Variants in CTCF observed in about 807,000 individuals in gnomAD.
CTCF encodes the protein CCCTC-binding factor.
A neutral mutation model predicts 72.3 loss-of-function variants in CTCF; 7 were observed. That is an observed-to-expected ratio of 0.10 (90% CI 0.06 to 0.18). CTCF has a LOEUF of 0.18. Ranked by LOEUF, CTCF falls within the 10% of genes least tolerant of loss-of-function variation. The pLI, the probability that CTCF is intolerant of heterozygous loss-of-function variation, is 1.00. For missense variants in CTCF, 516 were observed against 949.1 expected (o/e 0.54, Z 6.00); for synonymous variants, 374 against 315.8 (o/e 1.18, Z -1.95).
intron 2 of CTCF, among the ~76,000 whole-genome samples, chr16:67,606,887 C>T (rs1017648532): frequency 1.2e-4 from 18 of 151,908 alleles, no homozygotes; most frequent in Non-Finnish European, 2.4e-4. Context: ...CTCACTCAGC[C>T]TTCCAAGTAG....
At chr16:67,624,932 G>A (rs2052262609) in intron 7 of CTCF, among the ~76,000 whole-genome samples, 1 of 151,504 alleles carries the variant, frequency 6.6e-6, no homozygotes, top group Non-Finnish European at 1.5e-5. Flanking sequence ...GTGCTTGTGT[G>A]CTTTGTGTGA....
At chr16:67,605,365 C>T (rs60534906) in intron 2 of CTCF, among the ~76,000 whole-genome samples, 1 of 152,298 alleles carries the variant, frequency 6.6e-6, no homozygotes, top group African/African-American at 2.4e-5. Context: ...CTTTGATCCC[C>T]ACCTTCTGCG....
Position 67,569,250 on chromosome 16 carries a change from G to A in CTCF, c.-126-1898G>A, listed in dbSNP as rs62059331. On this transcript the variant is annotated intron_variant, in intron 1 of 11. Transcript: ENST00000264010. Reference sequence around the variant, plus strand: ...TCGCCAGGCTGGAGTGCAGTGGCACGATCTTGGCTCATTGCAGCTCCGCCT... The same window carrying A: ...TCGCCAGGCTGGAGTGCAGTGGCACAATCTTGGCTCATTGCAGCTCCGCCT... 5.1e-3 allele frequency among the ~76,000 whole-genome samples: 781 copies of A among 151,916 alleles called. 5 individuals carry two copies. The highest frequency in any genetic ancestry group is 7.7e-3 in the Non-Finnish European group (523 of 67,962).
At chr16:67,582,986 T>A (rs996000674) in intron 2 of CTCF, among the ~76,000 whole-genome samples, 12 of 149,952 alleles carry the variant, frequency 8.0e-5, no homozygotes, top group Admixed American at 2.0e-4. Context: ...TATTTTTCTT[T>A]TTTTTTTTTT....
At chr16:67,624,115 GTA>G (rs1555535478) in intron 7 of CTCF, among the ~76,000 whole-genome samples, 214 of 128,420 alleles carry the variant, frequency 1.7e-3, no homozygotes, top group African/African-American at 4.2e-3. Flanking sequence ...GTGTGTGTGT[GTA>G]TGTGTGTGTA....
chr16:67,621,247 G>A (rs938112719), intron 6 of CTCF, 195 bp from the exon 7 acceptor site: 1 of 520,154 alleles, frequency 1.9e-6, no homozygotes, highest in African/African-American at 1.9e-5. Context: ...GGGCAGAGCA[G>A]AGGTGGCCAG....
chr16:67,604,709 A>T (rs1265179421), intron 2 of CTCF, among the ~76,000 whole-genome samples: 1 of 147,796 alleles, frequency 6.8e-6, no homozygotes, highest in East Asian at 2.0e-4. Flanking sequence ...AAAATAGATT[A>T]CTAAAATTAA....
chr16:67,595,951 CCT>C (rs777648604), intron 2 of CTCF, among the ~76,000 whole-genome samples: 58 of 150,844 alleles, frequency 3.8e-4, no homozygotes, highest in Non-Finnish European at 7.2e-4. Flanking sequence ...TTTTTCTTTT[CCT>C]CTTTCTTTTC....
chr16:67,618,764 A>C (rs2052165025), intron 5 of CTCF, among the ~76,000 whole-genome samples: 1 of 152,256 alleles, frequency 6.6e-6, no homozygotes, highest in Admixed American at 6.5e-5. Context: ...TAATAGCAAT[A>C]AAATAACTGA....
rs1329733985 is a variant in CTCF, at chr16:67,620,693, T to C, written c.1087-4T>C. 1 of 1,557,774 alleles carries C rather than the reference T, an allele frequency of 6.4e-7. No individual in the cohort carries two copies. Among genetic ancestry groups the C allele is most frequent in the Admixed American group, 1.7e-5 (1 of 58,528 alleles). ...GTTAAAGTTCGGTTGTTTTCGTATT[T>C]CAGGTCAGCAAATTAAAACGTCACA... is the stretch of plus-strand genomic sequence containing the variant. On this transcript the variant is annotated splice_polypyrimidine_tract_variant and splice_region_variant and intron_variant, in intron 5 of 11. Coordinates refer to ENST00000264010, the MANE Select transcript of CTCF (RefSeq NM_006565.4).
chr16:67,563,579 C>G (rs979921114), intron 1 of CTCF: 1 of 152,226 alleles, frequency 6.6e-6, no homozygotes, highest in Non-Finnish European at 1.5e-5. Context: ...TGCGGCCCCC[C>G]CACGGTGGGC....
intron 1 of CTCF, among the ~76,000 whole-genome samples, chr16:67,565,672 T>TAAA (rs1396221648): frequency 1.1e-5 from 1 of 92,604 alleles, no homozygotes; most frequent in African/African-American, 5.3e-5. Flanking sequence ...GACTCTTATC[T>TAAA]CAAAAAAAAA....
intron 2 of CTCF, among the ~76,000 whole-genome samples, chr16:67,596,132 T>G (rs2051811737): frequency 6.6e-6 from 1 of 152,066 alleles, no homozygotes; most frequent in Non-Finnish European, 1.5e-5. Flanking sequence ...TTTTGTATTT[T>G]TAGTAGAGAC....
intron 2 of CTCF, among the ~76,000 whole-genome samples, chr16:67,592,807 A>C (rs989048803): frequency 2.0e-5 from 3 of 152,160 alleles, no homozygotes; most frequent in African/African-American, 7.2e-5. Context: ...TGGGTGGATC[A>C]CTTGAGCTCA....
chr16:67,629,745 C>CTTTTTTTTTTTTTTTTT (rs1567616725), intron 10 of CTCF, among the ~76,000 whole-genome samples: 3 of 85,030 alleles, frequency 3.5e-5, no homozygotes, highest in East Asian at 3.6e-4. Context: ...TCATTAATGC[C>CTTTTTTTTTTTTTTTTT]CTTTTTTTTT....
chr16:67,570,372 G>C (rs1469364664), intron 1 of CTCF, among the ~76,000 whole-genome samples: 2 of 151,614 alleles, frequency 1.3e-5, no homozygotes, highest in East Asian at 3.9e-4. Context: ...AAGCCACTGC[G>C]CCCAGCCAAT....
At chr16:67,633,704 CCAGTGCA>C (rs1176552568) in intron 10 of CTCF, among the ~76,000 whole-genome samples, 1 of 151,886 alleles carries the variant, frequency 6.6e-6, no homozygotes, top group East Asian at 1.9e-4. Context: ...TATGACCGCA[CCAGTGCA>C]CTCCAGCCTG....
chr16:67,567,736 G>A (rs530772279), intron 1 of CTCF, among the ~76,000 whole-genome samples: 2 of 151,878 alleles, frequency 1.3e-5, no homozygotes, highest in South Asian at 4.2e-4. Flanking sequence ...TACTATAGGC[G>A]TGTGCCACCA....
At chr16:67,583,397 A>G (rs1210934306) in intron 2 of CTCF, among the ~76,000 whole-genome samples, 1 of 152,044 alleles carries the variant, frequency 6.6e-6, no homozygotes, top group Non-Finnish European at 1.5e-5. Flanking sequence ...GGAAAAGAGT[A>G]TATATCTAGC....
Sources: allele counts gnomAD v4.1 joint callset (sites outside exome capture counted in the v4.1 genomes callset), GRCh38; gene constraint gnomAD v4.1.1; transcripts MANE v1.5; gene names NCBI Gene and HGNC (gene_info 2026-07-23, HGNC 2026-07-21).